The following PDZRN4 variants were observed in gnomAD, a reference collection of about 807,000 sequenced individuals.
The protein encoded by PDZRN4 is PDZ domain-containing RING finger protein 4.
Under a neutral mutation model 99.0 loss-of-function variants are expected in PDZRN4, and 70 were observed. The observed-to-expected ratio is 0.71, with a 90% CI of 0.58 to 0.86. The LOEUF (loss-of-function observed/expected upper bound fraction) is 0.86. PDZRN4 is among the 40% of genes least tolerant of loss of function. The pLI is 0.00. For synonymous variants in PDZRN4, 551 were observed against 501.6 expected, an observed-to-expected ratio of 1.10 and a Z score of -1.32; for missense variants, 1,474 against 1,331.2, an observed-to-expected ratio of 1.11 and a Z score of -1.67.
chr12:41,292,094 C>T (rs1408791924), intron 3 of PDZRN4, among the ~76,000 whole-genome samples: 9 of 151,960 alleles, frequency 5.9e-5, no homozygotes, highest in East Asian at 5.8e-4. Flanking sequence ...GAGTAGCAGG[C>T]GTTAGAGAAA....
Position 41,483,662 on chromosome 12 carries a change from A to G in PDZRN4, c.844-22794A>G, listed in dbSNP as rs550574363. Reference sequence around the variant, plus strand: ...GAACATAGACTAAATCGACTGTATGAGTTCAAATGATAACAACACAGTGAC... The same window carrying G: ...GAACATAGACTAAATCGACTGTATGGGTTCAAATGATAACAACACAGTGAC... On this transcript the variant is annotated intron_variant, in intron 3 of 9. Transcript: ENST00000402685. 1.1e-4 allele frequency among the ~76,000 whole-genome samples: 17 copies of G among 152,308 alleles called. 1 individual carries two copies. In the South Asian group the frequency reaches 3.3e-3, roughly 30 times the overall value.
chr12:41,263,158 CAT>C (rs1951253888), intron 3 of PDZRN4, among the ~76,000 whole-genome samples: 1 of 152,056 alleles, frequency 6.6e-6, no homozygotes. Flanking sequence ...ATCAATGAGA[CAT>C]ATAAAATGAA....
intron 3 of PDZRN4, among the ~76,000 whole-genome samples, chr12:41,312,875 A>C (rs4768339): frequency 0.71 from 108,147 of 151,956 alleles, 39,766 homozygotes; most frequent in Middle Eastern, 0.83. Context: ...ATTTCATTCA[A>C]CCCTGCAGCC....
chr12:41,530,826 T>C lies in PDZRN4; in HGVS notation c.1203+20913T>C, dbSNP rs531892225. 5.5e-4 allele frequency among the ~76,000 whole-genome samples: 84 copies of C among 152,242 alleles called. 1 individual carries two copies. Among genetic ancestry groups the C allele is most frequent in the African/African-American group, 1.8e-3 (75 of 41,538 alleles). Reference sequence around the variant, plus strand: ...GTTTAAAATCTTCCTTCTGGTGATATCGAATGACGTTGAGGATCCTTTTGA... The same window carrying C: ...GTTTAAAATCTTCCTTCTGGTGATACCGAATGACGTTGAGGATCCTTTTGA... On this transcript the variant is annotated intron_variant, in intron 5 of 9. Transcript: ENST00000402685.
At chr12:41,269,340 G>A (rs930245805) in intron 3 of PDZRN4, among the ~76,000 whole-genome samples, 8 of 152,136 alleles carry the variant, frequency 5.3e-5, no homozygotes, top group Non-Finnish European at 1.0e-4. Context: ...ATAGAAATTT[G>A]AGAGCAGCTT....
At chr12:41,450,012 C>T (rs1952762025) in intron 3 of PDZRN4, among the ~76,000 whole-genome samples, 1 of 151,826 alleles carries the variant, frequency 6.6e-6, no homozygotes, top group Admixed American at 6.6e-5. Flanking sequence ...TGCCTTTGGG[C>T]TTCATAATTA....
intron 6 of PDZRN4, among the ~76,000 whole-genome samples, chr12:41,554,859 T>G (rs944116074): frequency 2.0e-5 from 3 of 151,684 alleles, no homozygotes; most frequent in Non-Finnish European, 2.9e-5. Flanking sequence ...CAATATAGGT[T>G]GTAAATGTCT....
chr12:41,403,205 C>A (rs1466766595), intron 3 of PDZRN4, among the ~76,000 whole-genome samples: 1 of 152,090 alleles, frequency 6.6e-6, no homozygotes, highest in African/African-American at 2.4e-5. Flanking sequence ...AATACTGAGC[C>A]CCAGGGGCTA....
chr12:41,425,906 C>T (rs1266224153), intron 3 of PDZRN4, among the ~76,000 whole-genome samples: 1 of 152,098 alleles, frequency 6.6e-6, no homozygotes, highest in Non-Finnish European at 1.5e-5. Flanking sequence ...TATGTGATTT[C>T]TCTTTTGATT....
At chr12:41,380,725 G>GT (rs1185640434) in intron 3 of PDZRN4, among the ~76,000 whole-genome samples, 1 of 151,828 alleles carries the variant, frequency 6.6e-6, no homozygotes, top group Non-Finnish European at 1.5e-5. Flanking sequence ...TAATACATTT[G>GT]TTTTTTACCT....
rs116648615 is a variant in PDZRN4, at chr12:41,432,791, T to C, written c.844-73665T>C. 1.8e-3 allele frequency among the ~76,000 whole-genome samples: 270 copies of C among 152,284 alleles called. 2 individuals carry two copies. Among genetic ancestry groups the C allele is most frequent in the African/African-American group, 6.2e-3 (256 of 41,552 alleles). On this transcript the variant is annotated intron_variant, in intron 3 of 9. Coordinates refer to ENST00000402685, the MANE Select transcript of PDZRN4 (RefSeq NM_001164595.2). ...TAAACTGGACAATTGGGTGGATAGT[T>C]TAATTTGTGGGGTTTCCAAAGAATA...
intron 3 of PDZRN4, among the ~76,000 whole-genome samples, chr12:41,397,750 G>A (rs1458470473): frequency 6.6e-6 from 1 of 152,098 alleles, no homozygotes; most frequent in Admixed American, 6.6e-5. Context: ...TTGCTGTTAT[G>A]TATTGGTATC....
intron 3 of PDZRN4, among the ~76,000 whole-genome samples, chr12:41,197,919 G>GTTTTTTTTTTTTTTTTT (rs764851464): frequency 6.2e-5 from 7 of 113,454 alleles, no homozygotes; most frequent in African/African-American, 1.7e-4. Flanking sequence ...GTTTTTTCTG[G>GTTTTTTTTTTTTTTTTT]GTTTTTTTTT....
At chr12:41,384,961 C>T (rs999919984) in intron 3 of PDZRN4, among the ~76,000 whole-genome samples, 5 of 152,126 alleles carry the variant, frequency 3.3e-5, no homozygotes, top group Admixed American at 3.3e-4. Context: ...TAAGATACAC[C>T]TGATTGCATT....
intron 3 of PDZRN4, among the ~76,000 whole-genome samples, chr12:41,350,672 T>C (rs1951883456): frequency 6.6e-6 from 1 of 152,124 alleles, no homozygotes; most frequent in Admixed American, 6.6e-5. Flanking sequence ...GCATAGTTTC[T>C]TGCAAGTCAT....
At chr12:41,479,828 T>C (rs1937646316) in intron 3 of PDZRN4, among the ~76,000 whole-genome samples, 1 of 152,222 alleles carries the variant, frequency 6.6e-6, no homozygotes, top group Admixed American at 6.5e-5. Flanking sequence ...TGTATGCACA[T>C]ATTAAAATAC....
In PDZRN4 at chr12:41,387,277, A is replaced by G. The variant is rs79431969; in HGVS notation, c.844-119179A>G. On this transcript the variant is annotated intron_variant, in intron 3 of 9. Coordinates refer to ENST00000402685, the MANE Select transcript of PDZRN4 (RefSeq NM_001164595.2). ...ACTTAAACAAATTTACAAGAAACAA[A>G]CAACCCCATTAAAAAAAGTGCATAG... 3.9e-3 allele frequency among the ~76,000 whole-genome samples: 601 copies of G among 152,194 alleles called. 2 individuals are homozygous for G. The highest frequency in any genetic ancestry group is 0.014 in the African/African-American group (581 of 41,540).
chr12:41,244,287 C>T (rs1167685607), intron 3 of PDZRN4, among the ~76,000 whole-genome samples: 1 of 152,164 alleles, frequency 6.6e-6, no homozygotes, highest in African/African-American at 2.4e-5. Flanking sequence ...CATTGTGTCG[C>T]TCTCCTAGAA....
At chr12:41,250,854 A>C (rs2120808082) in intron 3 of PDZRN4, among the ~76,000 whole-genome samples, 1 of 152,246 alleles carries the variant, frequency 6.6e-6, no homozygotes, top group East Asian at 1.9e-4. Context: ...TTGTTTGTCA[A>C]CCCTCCAGAA....
Sources: allele counts gnomAD v4.1 joint callset (sites outside exome capture counted in the v4.1 genomes callset), GRCh38; gene constraint gnomAD v4.1.1; transcripts MANE v1.5; gene names NCBI Gene and HGNC (gene_info 2026-07-23, HGNC 2026-07-21).